The following MARK1 variants were observed in gnomAD, a reference collection of about 807,000 sequenced individuals.
MARK1 encodes serine/threonine-protein kinase MARK1.
MARK1 carries 40 observed loss-of-function variants against 96.3 expected under a neutral mutation model. That is an observed-to-expected ratio of 0.42 (90% confidence interval 0.32 to 0.54). The LOEUF is 0.54. Ranked by LOEUF, MARK1 falls within the 20% of genes least tolerant of loss-of-function variation. The pLI is 0.16. For synonymous variants in MARK1, 317 were observed against 341.2 expected (o/e 0.93, Z 0.78); for missense variants, 719 against 984.6 (o/e 0.73, Z 3.61).
At chr1:220,616,144 T>G (rs1486861821) in intron 7 of MARK1, 149 bp downstream of exon 7, 1 of 394,128 alleles carries the variant, frequency 2.5e-6, no homozygotes, top group Admixed American at 4.2e-5. Flanking sequence ...AGCAACTTTA[T>G]GAAAGGTAAT....
At chr1:220,592,611 A>G (rs1157812272) in intron 3 of MARK1, among the ~76,000 whole-genome samples, 1 of 152,196 alleles carries the variant, frequency 6.6e-6, no homozygotes, top group Admixed American at 6.5e-5. Context: ...AGAAACTGCA[A>G]AGCGACAAAT....
intron 1 of MARK1, among the ~76,000 whole-genome samples, chr1:220,577,745 A>T (rs1327505820): frequency 2.6e-5 from 4 of 152,216 alleles, no homozygotes; most frequent in African/African-American, 9.6e-5. Flanking sequence ...AGATGAAAAG[A>T]AAACATCTGT....
In MARK1 at chr1:220,602,358, A is replaced by T. The variant is rs186545401; in HGVS notation, c.425-1709A>T. The stretch of plus-strand genomic sequence containing the variant: ...AAACAACATTTATAAAATGCTTACC[A>T]TGTGTCAGGTAATGTTCTAGGTGCT... On this transcript the variant is annotated intron_variant, in intron 5 of 17. Transcript: ENST00000366917. Among the ~76,000 whole-genome samples the T allele has an allele frequency of 3.4e-3, 521 of 152,302 alleles. 1 individual carries two copies. The highest frequency in any genetic ancestry group is 5.6e-3 in the Non-Finnish European group (382 of 68,002).
chr1:220,624,442 A>T (rs1181876676), intron 9 of MARK1, among the ~76,000 whole-genome samples: 1 of 151,802 alleles, frequency 6.6e-6, no homozygotes, highest in Non-Finnish European at 1.5e-5. Flanking sequence ...TCTATTAAAG[A>T]TACAAAATCA....
intron 6 of MARK1, among the ~76,000 whole-genome samples, chr1:220,605,308 A>G (rs562184918): frequency 1.1e-4 from 16 of 152,282 alleles, no homozygotes; most frequent in African/African-American, 3.6e-4. Context: ...ATAGATTCCT[A>G]GAAATATTCG....
chr1:220,585,006 G>A (rs1189748966), intron 3 of MARK1, among the ~76,000 whole-genome samples: 1 of 152,100 alleles, frequency 6.6e-6, no homozygotes, highest in Non-Finnish European at 1.5e-5. Context: ...TCTTACGTGG[G>A]CCAACAAAAA....
At chr1:220,541,391 A>G (rs181328182) in intron 1 of MARK1, among the ~76,000 whole-genome samples, 1 of 152,088 alleles carries the variant, frequency 6.6e-6, no homozygotes, top group South Asian at 2.1e-4. Flanking sequence ...TTGTGCTGCT[A>G]TTGGGTGGAA....
At chr1:220,579,724 T>A (rs1664104976) in intron 2 of MARK1, among the ~76,000 whole-genome samples, 167 bp downstream of exon 2, 1 of 152,222 alleles carries the variant, frequency 6.6e-6, no homozygotes. Flanking sequence ...GGCATAAAAG[T>A]TGACCTTTTA....
chr1:220,537,746 CTGT>C lies in MARK1; in HGVS notation c.51+8878_51+8880del, dbSNP rs1245966948. Among the ~76,000 whole-genome samples the C allele has an allele frequency of 6.0e-4, 90 of 151,058 alleles. 1 individual carries two copies. Among genetic ancestry groups the C allele is most frequent in the Middle Eastern group, 3.4e-3 (1 of 292 alleles). ...TATTTCTCCACATCCTCTCCAGCAC[CTGT>C]TGTTTCCTGACTTTTTAATGATTGC... On this transcript the variant is annotated intron_variant, in intron 1 of 17. Transcript: ENST00000366917.
In MARK1 at chr1:220,538,115, C is replaced by A. The variant is rs1165857562; in HGVS notation, c.51+9242C>A. On this transcript the variant is annotated intron_variant, in intron 1 of 17. Coordinates refer to ENST00000366917, the MANE Select transcript of MARK1 (RefSeq NM_018650.5). ...TGTTTGTCAATTTTGGCTTTTGTTG[C>A]CATTGCTTTTGGTGTTTTAGACATG... Among the ~76,000 whole-genome samples the A allele has an allele frequency of 1.5e-4, 22 of 150,670 alleles. No homozygotes were observed. The South Asian group carries it at 4.4e-3, about 30-fold the overall frequency.
chr1:220,609,500 C>G (rs1666299470), intron 6 of MARK1, among the ~76,000 whole-genome samples: 1 of 152,290 alleles, frequency 6.6e-6, no homozygotes, highest in South Asian at 2.1e-4. Flanking sequence ...GGTCTTGACT[C>G]TTTATCCAAT....
rs1664083003 is a variant in MARK1 at position 220,579,438 on chromosome 1, T to C, written c.136T>C (p.Ser46Pro). The C allele has an allele frequency of 6.2e-7, 1 of 1,613,860 alleles. No individual in the cohort carries two copies. The highest frequency in any genetic ancestry group is 8.5e-7 in the Non-Finnish European group (1 of 1,179,962). The change falls in exon 2 of 18, where the codon TCC becomes CCC. Residue 46 changes from serine (S) to proline (P), a missense_variant. Ser to Pro is a moderately conservative substitution (Grantham distance 74). Coordinates refer to ENST00000366917, the MANE Select transcript of MARK1 (RefSeq NM_018650.5). Reference protein sequence around the residue: ...SRQNIPRCRNSITSATDEQPH... With the variant: ...SRQNIPRCRNPITSATDEQPH... Reference sequence around the variant, plus strand: ...ACAGAACATCCCCCGGTGTAGAAACTCCATTACGTCAGCAACAGATGAACA... The same window carrying C: ...ACAGAACATCCCCCGGTGTAGAAACCCCATTACGTCAGCAACAGATGAACA...
intron 1 of MARK1, among the ~76,000 whole-genome samples, chr1:220,550,952 T>C (rs1049446301): frequency 1.3e-5 from 2 of 152,224 alleles, no homozygotes; most frequent in Non-Finnish European, 2.9e-5. Context: ...ATTCTGTGTA[T>C]AGTTGCTGCT....
chr1:220,559,306 C>T (rs1662505576), intron 1 of MARK1, among the ~76,000 whole-genome samples: 1 of 152,144 alleles, frequency 6.6e-6, no homozygotes, highest in African/African-American at 2.4e-5. Flanking sequence ...AGGGATAGGT[C>T]ATCTGTGTTA....
At chr1:220,564,612 G>A (rs1458896910) in intron 1 of MARK1, among the ~76,000 whole-genome samples, 1 of 152,076 alleles carries the variant, frequency 6.6e-6, no homozygotes, top group Non-Finnish European at 1.5e-5. Flanking sequence ...GCTGTTTAAT[G>A]TTGGGAAACA....
rs1660033821 is a variant in MARK1 at position 220,528,184 on chromosome 1, C to T, written c.-639C>T. The T allele has an allele frequency of 6.6e-6, 1 of 150,480 alleles. No individual in the cohort carries two copies. The highest frequency in any genetic ancestry group is 1.5e-5 in the Non-Finnish European group (1 of 67,462). The allele number at this position is 150,480 out of a possible 1,614,324, so 9.3% of individuals were successfully genotyped here. A position where few individuals can be genotyped will look rare whatever the true frequency, so the allele number is the denominator to read the frequency against. Reference sequence around the variant, plus strand: ...CTCTGGGCGCTGCGTGCCGCGCCCGCTGCTCCGCGCGCAGCCGGCTCGGGC... The same window carrying T: ...CTCTGGGCGCTGCGTGCCGCGCCCGTTGCTCCGCGCGCAGCCGGCTCGGGC... On this transcript the variant is annotated 5_prime_UTR_variant, in exon 1 of 18. Transcript: ENST00000366917.
intron 1 of MARK1, among the ~76,000 whole-genome samples, chr1:220,577,317 C>T (rs1663933299): frequency 6.6e-6 from 1 of 152,002 alleles, no homozygotes; most frequent in Non-Finnish European, 1.5e-5. Context: ...GTCAGCATTC[C>T]CTGCAGAACA....
Position 220,618,684 on chromosome 1 carries a change from A to G in MARK1, c.838A>G (p.Met280Val). ...AGGGAAGTACCGTATTCCCTTCTAT[A>G]TGTCCACAGACTGTGAAAATCTTCT... is the stretch of plus-strand genomic sequence containing the variant. ...LRGKYRIPFY[M>V]STDCENLLKK... Residue 280 changes from methionine (M) to valine (V), a missense_variant, in exon 9 of 18, where the codon ATG (methionine) becomes GTG (valine). Around this residue, in one of 4 missense-constraint regions of MARK1, gnomAD observed 96 missense variants for 213.1 expected, o/e 0.45. Transcript: ENST00000366917. The surrounding 1 kb of genome is among the most constrained non-coding windows in gnomAD (Gnocchi z 4.6). The G allele has an allele frequency of 7.4e-6, 12 of 1,613,320 alleles. No individual in the cohort carries two copies. The highest frequency in any genetic ancestry group is 1.0e-5 in the Non-Finnish European group (12 of 1,179,500).
intron 3 of MARK1, among the ~76,000 whole-genome samples, chr1:220,582,740 G>A (rs779281013): frequency 3.3e-5 from 5 of 152,140 alleles, no homozygotes; most frequent in African/African-American, 7.2e-5. Context: ...TTCTTTATCT[G>A]AATAACTAAA....
Sources: allele counts gnomAD v4.1 joint callset (sites outside exome capture counted in the v4.1 genomes callset), GRCh38; gene constraint gnomAD v4.1.1; regional missense constraint gnomAD v4.1.1; non-coding constraint Gnocchi (gnomAD v3.1); transcripts MANE v1.5; gene names NCBI Gene and HGNC (gene_info 2026-07-23, HGNC 2026-07-21).